The following DENR variants were observed in gnomAD, a reference collection of about 807,000 sequenced individuals.
The protein encoded by DENR is density-regulated protein.
DENR carries 6 observed loss-of-function variants against 30.6 expected under a neutral mutation model. The ratio of observed to expected loss-of-function variants is 0.20; its 90% CI spans 0.11 to 0.39. The LOEUF is 0.39. DENR is among the 10% of genes least tolerant of loss of function. The probability of loss-of-function intolerance (pLI) is 1.00; values close to 1 mark genes in which losing one functional copy is unlikely to be tolerated. For missense variants in DENR, 141 were observed against 230.9 expected (o/e 0.61, Z 2.52); for synonymous variants, 78 against 72.1 (o/e 1.08, Z -0.41).
chr12:122,753,348 C>A (rs976300006), intron 1 of DENR, among the ~76,000 whole-genome samples: 1 of 152,140 alleles, frequency 6.6e-6, no homozygotes, highest in African/African-American at 2.4e-5. Flanking sequence ...TCTCTCACTG[C>A]AGTTTGCATC....
At chr12:122,764,690 G>A (rs1369834679) in intron 4 of DENR, among the ~76,000 whole-genome samples, 1 of 152,204 alleles carries the variant, frequency 6.6e-6, no homozygotes, top group African/African-American at 2.4e-5. Flanking sequence ...TCTCTTGCAA[G>A]ACTGGTAAAA....
chr12:122,762,967 C>G, intron 4 of DENR, 38 bp downstream of exon 4: 1 of 1,175,190 alleles, frequency 8.5e-7, no homozygotes, highest in Non-Finnish European at 1.2e-6. Context: ...ACTTCTGTAC[C>G]TGAGACAAAT....
chr12:122,767,840 T>C (rs1878887263), intron 6 of DENR, among the ~76,000 whole-genome samples: 1 of 152,212 alleles, frequency 6.6e-6, no homozygotes, highest in African/African-American at 2.4e-5. Flanking sequence ...GGGCACATTT[T>C]ATGTGGGATG....
intron 2 of DENR, among the ~76,000 whole-genome samples, chr12:122,756,264 C>T (rs1261703497): frequency 1.3e-5 from 2 of 149,504 alleles, no homozygotes; most frequent in South Asian, 2.1e-4. Context: ...GCCTGGCCAA[C>T]ATGGTGAAAC....
intron 2 of DENR, among the ~76,000 whole-genome samples, chr12:122,754,744 G>A (rs1878502837): frequency 1.3e-5 from 2 of 152,204 alleles, no homozygotes; most frequent in African/African-American, 4.8e-5. Flanking sequence ...TTTTTGAGCA[G>A]GAAAATAAAG....
At chr12:122,765,030 C>G (rs1312679140) in intron 4 of DENR, among the ~76,000 whole-genome samples, 1 of 152,190 alleles carries the variant, frequency 6.6e-6, no homozygotes, top group Non-Finnish European at 1.5e-5. Context: ...TCCTGCAGAG[C>G]CCAAGTGTTC....
rs533787605 is a variant in DENR at position 122,753,961 on chromosome 12, AAC to A, written c.106+156_106+157del. On this transcript the variant is annotated intron_variant, in intron 2 of 7. Transcript: ENST00000280557. ...TCCTGGGGAGGAGGAGGCATGAATTAACAGAGTTTCCCCACCTGGGTGATTTG... is the reference window on the plus strand; with the variant it reads ...TCCTGGGGAGGAGGAGGCATGAATTAAGAGTTTCCCCACCTGGGTGATTTG... 8.3e-5 allele frequency: 56 copies of A among 673,390 alleles called. No homozygotes were observed. In the South Asian group the frequency reaches 9.3e-4, roughly 11 times the overall value. The allele number at this position is 673,390 out of a possible 1,614,324, so 41.7% of individuals were successfully genotyped here. A position where few individuals can be genotyped will look rare whatever the true frequency, so the allele number is the denominator to read the frequency against.
intron 5 of DENR, among the ~76,000 whole-genome samples, chr12:122,767,090 C>G (rs839356): frequency 6.6e-6 from 1 of 152,148 alleles, no homozygotes; most frequent in Non-Finnish European, 1.5e-5. Context: ...TTATTCTTCA[C>G]AACTCCACCT....
intron 2 of DENR, chr12:122,754,183 CTA>C (rs1416764713): frequency 4.0e-6 from 1 of 250,500 alleles, no homozygotes; most frequent in Non-Finnish European, 8.1e-6. Flanking sequence ...AAGCGCACGA[CTA>C]TGTAAGAAAA....
chr12:122,753,973 C>T (rs1051724229), intron 2 of DENR, 166 bp downstream of exon 2: 4 of 642,342 alleles, frequency 6.2e-6, no homozygotes, highest in Non-Finnish European at 1.1e-5. Context: ...CAGAGTTTCC[C>T]CACCTGGGTG....
chr12:122,771,012 G>A lies in DENR; in HGVS notation c.*1934G>A. Reference sequence around the variant, plus strand: ...TGCAGTTACAATCCATAGATAGCCAGCAGTGGATGTTACTCCAGGAAAATG... The same window carrying A: ...TGCAGTTACAATCCATAGATAGCCAACAGTGGATGTTACTCCAGGAAAATG... On this transcript the variant is annotated 3_prime_UTR_variant, in exon 8 of 8. Coordinates refer to ENST00000280557, the MANE Select transcript of DENR (RefSeq NM_003677.5). 3.0e-6 allele frequency: 1 copy of A among 333,822 alleles called. No homozygotes were observed. The highest frequency in any genetic ancestry group is 5.4e-6 in the Non-Finnish European group (1 of 186,180). The allele number at this position is 333,822 out of a possible 1,614,324, so 20.7% of individuals were successfully genotyped here.
At chr12:122,754,022 C>G (rs1413406517) in intron 2 of DENR, 12 of 574,242 alleles carry the variant, frequency 2.1e-5, no homozygotes, top group Non-Finnish European at 3.8e-5. Context: ...AGCTTACAGT[C>G]CATTTGTAAC....
chr12:122,769,501 T>TCC lies in DENR; in HGVS notation c.*424_*425insCC. The TCC allele has an allele frequency of 1.0e-6, 1 of 975,420 alleles. No homozygotes were observed. Among genetic ancestry groups the TCC allele is most frequent in the Non-Finnish European group, 1.2e-6 (1 of 822,822 alleles). 60.4% of individuals were successfully genotyped at this position (975,420 alleles called of 1,614,324 possible). A position where few individuals can be genotyped will look rare whatever the true frequency, so the allele number is the denominator to read the frequency against. On this transcript the variant is annotated 3_prime_UTR_variant, in exon 8 of 8. Coordinates refer to ENST00000280557, the MANE Select transcript of DENR (RefSeq NM_003677.5). The stretch of plus-strand genomic sequence containing the variant: ...GGTCATTTGGTACTGACTTTCTCTC[T>TCC]CTCTCTCTCTCTCTTTTTTTTTTTT...
At chr12:122,768,479 C>G (rs866278398) in intron 6 of DENR, among the ~76,000 whole-genome samples, 21 of 151,256 alleles carry the variant, frequency 1.4e-4, no homozygotes, top group South Asian at 2.1e-4. Context: ...GTCTGGGCAA[C>G]AGAGCAAGAC....
intron 5 of DENR, among the ~76,000 whole-genome samples, chr12:122,766,489 A>G (rs1233807614): frequency 2.0e-5 from 3 of 152,180 alleles, no homozygotes; most frequent in African/African-American, 7.2e-5. Flanking sequence ...CCCAGTATGC[A>G]CTTAAAATTC....
Position 122,769,514 on chromosome 12 carries a change from CTT to C in DENR, c.*447_*448del, listed in dbSNP as rs1555252707. On this transcript the variant is annotated 3_prime_UTR_variant, in exon 8 of 8. Coordinates refer to ENST00000280557, the MANE Select transcript of DENR (RefSeq NM_003677.5). ...TGACTTTCTCTCTCTCTCTCTCTCT[CTT>C]TTTTTTTTTTGACAGAGTCTCGCAC... is the stretch of plus-strand genomic sequence containing the variant. The C allele has an allele frequency of 8.3e-4, 538 of 646,444 alleles. No individual in the cohort carries two copies. The highest frequency in any genetic ancestry group is 9.3e-4 in the South Asian group (14 of 15,104). The allele number at this position is 646,444 out of a possible 1,614,324, so 40.0% of individuals were successfully genotyped here.
rs1462620494 is a variant in DENR, at chr12:122,769,622, T to G, written c.*544T>G. ...CCCGGGTTCAAGTGATTCTCCTGCCTCAGCCTCCCAAGTAGGTGGGATTAC... is the reference window on the plus strand; with the variant it reads ...CCCGGGTTCAAGTGATTCTCCTGCCGCAGCCTCCCAAGTAGGTGGGATTAC... On this transcript the variant is annotated 3_prime_UTR_variant, in exon 8 of 8. Coordinates refer to ENST00000280557, the MANE Select transcript of DENR (RefSeq NM_003677.5). The G allele has an allele frequency of 3.1e-6, 1 of 320,204 alleles. No individual in the cohort carries two copies. The highest frequency in any genetic ancestry group is 1.6e-4 in the East Asian group (1 of 6,222). The allele number at this position is 320,204 out of a possible 1,614,324, so 19.8% of individuals were successfully genotyped here. A position where few individuals can be genotyped will look rare whatever the true frequency, so the allele number is the denominator to read the frequency against.
intron 6 of DENR, 68 bp downstream of exon 6, chr12:122,767,672 C>CT (rs1471339761): frequency 1.2e-6 from 1 of 867,518 alleles, no homozygotes; most frequent in East Asian, 3.0e-5. Context: ...CTCTATCTCT[C>CT]TGTCTCTCTC....
At position 122,768,779 on chromosome 12, in the gene DENR, T is replaced by C. The variant is rs771707989; in HGVS notation, c.413-3T>C. On this transcript the variant is annotated splice_region_variant and splice_polypyrimidine_tract_variant and intron_variant, in intron 6 of 7. Coordinates refer to ENST00000280557, the MANE Select transcript of DENR (RefSeq NM_003677.5). Reference sequence around the variant, plus strand: ...CTTGCTCTTTCTTTTTTTAAAAAAATAGAAATTGATCTTAAAGAAGCACAA... The same window carrying C: ...CTTGCTCTTTCTTTTTTTAAAAAAACAGAAATTGATCTTAAAGAAGCACAA... 3.8e-5 allele frequency: 59 copies of C among 1,540,014 alleles called. No individual in the cohort carries two copies. The Admixed American group carries it at 5.3e-4, about 14-fold the overall frequency.
Sources: allele counts gnomAD v4.1 joint callset (sites outside exome capture counted in the v4.1 genomes callset), GRCh38; gene constraint gnomAD v4.1.1; transcripts MANE v1.5; gene names NCBI Gene and HGNC (gene_info 2026-07-23, HGNC 2026-07-21).